NRXN3: variants seen among roughly 807,000 people sequenced by gnomAD.
The protein encoded by NRXN3 is neurexin III.
A neutral mutation model predicts 137.6 loss-of-function variants in NRXN3; 32 were observed. The observed-to-expected ratio is 0.23, with a 90% CI of 0.18 to 0.31. NRXN3 has a LOEUF of 0.31. NRXN3 is among the 10% of genes least tolerant of loss of function. The probability of loss-of-function intolerance (pLI) is 1.00; values close to 1 mark genes in which losing one functional copy is unlikely to be tolerated. For missense variants in NRXN3, 1,574 were observed against 2,062.5 expected (o/e 0.76, Z 4.59); for synonymous variants, 798 against 784.5 (o/e 1.02, Z -0.29).
chr14:78,407,520 G>A (rs1375404159), intron 4 of NRXN3, among the ~76,000 whole-genome samples: 2 of 152,130 alleles, frequency 1.3e-5, no homozygotes, highest in Admixed American at 6.5e-5. Context: ...AGGTGCAAAG[G>A]GCTGCAGAAG....
At chr14:79,794,010 G>T (rs2099153481) in intron 19 of NRXN3, among the ~76,000 whole-genome samples, 1 of 152,120 alleles carries the variant, frequency 6.6e-6, no homozygotes, top group Non-Finnish European at 1.5e-5. Context: ...TCAGCCTACC[G>T]ATGCATCAGG....
rs1310558246 is a variant in NRXN3, at chr14:79,372,999, TTAAA to T, written c.3263-94215_3263-94212del. 3.3e-5 allele frequency among the ~76,000 whole-genome samples: 5 copies of T among 152,122 alleles called. No homozygotes were observed. In the South Asian group the frequency reaches 1.0e-3, roughly 31 times the overall value. ...AAAGAGACCTTGAGTTTACTTCATT[TTAAA>T]TAAATAGACTGTCTTCATTTCCTAA... is the stretch of plus-strand genomic sequence containing the variant. On this transcript the variant is annotated intron_variant, in intron 15 of 20. Coordinates refer to ENST00000335750, the MANE Select transcript of NRXN3 (RefSeq NM_001330195.2).
chr14:78,434,256 A>G (rs2093987278), intron 4 of NRXN3, among the ~76,000 whole-genome samples: 2 of 152,188 alleles, frequency 1.3e-5, no homozygotes, highest in Admixed American at 6.5e-5. Context: ...CAAGTCAGGG[A>G]CCGTCTGTAT....
intron 4 of NRXN3, among the ~76,000 whole-genome samples, chr14:78,300,067 C>T (rs2076729931): frequency 6.6e-6 from 1 of 152,116 alleles, no homozygotes; most frequent in Admixed American, 6.5e-5. Context: ...CTCACCAGTA[C>T]TCCTTTCCTT....
At chr14:79,551,890 ACCAAGAGACATGGACTGTCTGGTTT>A (rs1260523978) in intron 16 of NRXN3, among the ~76,000 whole-genome samples, 2 of 152,196 alleles carry the variant, frequency 1.3e-5, no homozygotes, top group Non-Finnish European at 2.9e-5. Context: ...AAGCTACAGT[ACCAAGAGACATGGACTGTCTGGTTT>A]CCTGTGACAT....
intron 16 of NRXN3, among the ~76,000 whole-genome samples, chr14:79,472,638 T>A (rs2096524754): frequency 6.6e-6 from 1 of 152,218 alleles, no homozygotes; most frequent in South Asian, 2.1e-4. Context: ...ATTTCAAATG[T>A]TAGTTTCCTT....
intron 4 of NRXN3, among the ~76,000 whole-genome samples, chr14:78,548,788 G>A (rs1447270722): frequency 1.3e-5 from 2 of 152,040 alleles, no homozygotes; most frequent in African/African-American, 4.8e-5. Flanking sequence ...AGGGCTCTCT[G>A]CACGTTCCCA....
chr14:79,346,670 T>G (rs770997470), intron 15 of NRXN3, among the ~76,000 whole-genome samples: 49 of 152,180 alleles, frequency 3.2e-4, no homozygotes, highest in Admixed American at 1.3e-4. Flanking sequence ...TCTTTGAAGA[T>G]GTCTTGGAAC....
intron 16 of NRXN3, among the ~76,000 whole-genome samples, chr14:79,527,633 G>C (rs2097132707): frequency 6.6e-6 from 1 of 151,918 alleles, no homozygotes; most frequent in Admixed American, 6.6e-5. Flanking sequence ...AGCACTTTGG[G>C]GGGCCAAGGT....
chr14:79,573,627 T>C (rs1450186352), intron 16 of NRXN3, among the ~76,000 whole-genome samples: 1 of 152,134 alleles, frequency 6.6e-6, no homozygotes, highest in African/African-American at 2.4e-5. Context: ...ACCCTTTGCC[T>C]TGTGGCTTTT....
chr14:78,506,965 C>CT, intron 4 of NRXN3, among the ~76,000 whole-genome samples: 1 of 152,156 alleles, frequency 6.6e-6, no homozygotes, highest in East Asian at 1.9e-4. Context: ...CTTAATCAGG[C>CT]TTTTTTCTTG....
chr14:79,579,300 A>T (rs2153808502), intron 16 of NRXN3, among the ~76,000 whole-genome samples: 1 of 148,922 alleles, frequency 6.7e-6, no homozygotes, highest in Non-Finnish European at 1.5e-5. Context: ...TTTATTTTAA[A>T]TGTTGGTTTA....
intron 15 of NRXN3, among the ~76,000 whole-genome samples, chr14:79,459,967 T>G (rs1464323724): frequency 6.6e-6 from 1 of 152,112 alleles, no homozygotes; most frequent in African/African-American, 2.4e-5. Context: ...GGAAGTATCC[T>G]GAAATTTGAT....
Position 78,954,186 on chromosome 14 carries a change from C to T in NRXN3, c.2276-3056C>T, listed in dbSNP as rs188166101. The stretch of plus-strand genomic sequence containing the variant: ...TTCTCCTCTCTCTTTGCCTTGATTT[C>T]CCGCTGAGTGTAAACATCACTTTTC... On this transcript the variant is annotated intron_variant, in intron 10 of 20. Coordinates refer to ENST00000335750, the MANE Select transcript of NRXN3 (RefSeq NM_001330195.2). 3.1e-4 allele frequency among the ~76,000 whole-genome samples: 47 copies of T among 152,274 alleles called. 2 individuals carry two copies. In the East Asian group the frequency reaches 7.4e-3, roughly 24 times the overall value.
At chr14:79,192,816 G>C (rs570278427) in intron 15 of NRXN3, among the ~76,000 whole-genome samples, 1 of 121,650 alleles carries the variant, frequency 8.2e-6, no homozygotes, top group Non-Finnish European at 1.6e-5. Flanking sequence ...TGTCACCCAA[G>C]CTGGAGTGCA....
chr14:79,720,120 C>A (rs146638567), intron 19 of NRXN3, among the ~76,000 whole-genome samples: 1 of 152,110 alleles, frequency 6.6e-6, no homozygotes, highest in East Asian at 1.9e-4. Flanking sequence ...ACTCAGAGTT[C>A]CACATGGCTA....
intron 1 of NRXN3, among the ~76,000 whole-genome samples, chr14:78,196,807 G>C (rs148002728): frequency 7.0e-4 from 106 of 152,330 alleles, no homozygotes; most frequent in East Asian, 1.5e-3. Context: ...ACGGGAGAAG[G>C]CTTCCTTACA....
chr14:79,580,701 G>A (rs962366083), intron 16 of NRXN3, among the ~76,000 whole-genome samples: 1 of 152,110 alleles, frequency 6.6e-6, no homozygotes, highest in Non-Finnish European at 1.5e-5. Flanking sequence ...TTGAAGTTCA[G>A]TTAACTCAGA....
chr14:79,390,749 A>T (rs1476385484), intron 15 of NRXN3, among the ~76,000 whole-genome samples: 2 of 152,118 alleles, frequency 1.3e-5, no homozygotes, highest in African/African-American at 2.4e-5. Context: ...ACCTGCGTTT[A>T]CCTGAGTGCT....
Sources: gnomAD v4.1 joint callset for allele counts (sites outside exome capture counted in the v4.1 genomes callset) on GRCh38, gnomAD v4.1.1 for gene constraint, MANE v1.5 for transcripts, NCBI Gene and HGNC (gene_info 2026-07-23, HGNC 2026-07-21) for gene names.